Variants in BCL9L observed in about 807,000 individuals in gnomAD.
BCL9L encodes B-cell CLL/lymphoma 9-like protein.
A neutral mutation model predicts 99.4 loss-of-function variants in BCL9L; 19 were observed. The observed-to-expected ratio is 0.19, with a 90% CI of 0.13 to 0.28. The LOEUF is 0.28. BCL9L is among the 10% of genes least tolerant of loss of function. The pLI is 1.00. For synonymous variants in BCL9L, 900 were observed against 854.8 expected (o/e 1.05, Z -0.92); for missense variants, 2,023 against 2,101.6 (o/e 0.96, Z 0.73).
chr11:118,904,761 C>T (rs373336569), intron 5 of BCL9L, among the ~76,000 whole-genome samples: 21 of 152,328 alleles, frequency 1.4e-4, no homozygotes, highest in African/African-American at 4.6e-4. Context: ...TCCCATGGGC[C>T]CAGTGTCAGG....
rs552393756 is a variant in BCL9L, at chr11:118,900,208, C to T, written c.3125-10G>A. Reference sequence around the variant, plus strand: ...CTAGGCGGGAGGGTACCTACAGAAACGGGGAGACAAAGAGAGCAGGGGTGA... The same window carrying T: ...CTAGGCGGGAGGGTACCTACAGAAATGGGGAGACAAAGAGAGCAGGGGTGA... On this transcript the variant is annotated splice_polypyrimidine_tract_variant and intron_variant, in intron 8 of 9. Coordinates refer to ENST00000683865, the MANE Select transcript of BCL9L (RefSeq NM_001378213.1). The surrounding 1 kb of genome is among the most constrained non-coding windows in gnomAD (Gnocchi z 5.3). 60 of 1,580,570 alleles carry T rather than the reference C, an allele frequency of 3.8e-5. No homozygotes were observed. The South Asian group carries it at 5.2e-4, about 14-fold the overall frequency.
Position 118,922,119 on chromosome 11 carries a change from C to T in BCL9L, c.-131+3119G>A, listed in dbSNP as rs552004314. Among the ~76,000 whole-genome samples the T allele has an allele frequency of 6.6e-6, 1 of 152,176 alleles. No homozygotes were observed. Among genetic ancestry groups the T allele is most frequent in the Non-Finnish European group, 1.5e-5 (1 of 67,962 alleles). Reference sequence around the variant, plus strand: ...AATGCCCTTACTGCCCCTCCCCCAGCCTCCAGGGAAAGTCAGGCTGAGTTC... The same window carrying T: ...AATGCCCTTACTGCCCCTCCCCCAGTCTCCAGGGAAAGTCAGGCTGAGTTC... On this transcript the variant is annotated intron_variant, in intron 1 of 9. Coordinates refer to ENST00000683865, the MANE Select transcript of BCL9L (RefSeq NM_001378213.1). This position sits in a 1 kb window ranked among gnomAD's most constrained non-coding sequence, Gnocchi z 6.2.
In BCL9L at chr11:118,903,156, A is replaced by G; in HGVS notation, c.749+80T>C. 7.1e-7 allele frequency: 1 copy of G among 1,411,320 alleles called. No individual in the cohort carries two copies. Among genetic ancestry groups the G allele is most frequent in the Non-Finnish European group, 9.5e-7 (1 of 1,049,198 alleles). The allele number at this position is 1,411,320 out of a possible 1,614,324, so 87.4% of individuals were successfully genotyped here. A position where few individuals can be genotyped will look rare whatever the true frequency, so the allele number is the denominator to read the frequency against. On this transcript the variant is annotated intron_variant, in intron 6 of 9. Coordinates refer to ENST00000683865, the MANE Select transcript of BCL9L (RefSeq NM_001378213.1). This position sits in a 1 kb window ranked among gnomAD's most constrained non-coding sequence, Gnocchi z 5.6. Reference sequence around the variant, plus strand: ...CTCACCCACCCCACCCTGCCCCTGCACGGGGCTCCCTCGGAACCCCAGGCT... The same window carrying G: ...CTCACCCACCCCACCCTGCCCCTGCGCGGGGCTCCCTCGGAACCCCAGGCT...
intron 5 of BCL9L, among the ~76,000 whole-genome samples, chr11:118,907,100 A>C (rs1940553651): frequency 6.6e-6 from 1 of 152,172 alleles, no homozygotes; most frequent in South Asian, 2.1e-4. Flanking sequence ...GTGGCAACTC[A>C]CACCCAGGCT....
Position 118,901,253 on chromosome 11 carries a change from G to A in BCL9L, c.2490C>T (p.Gly830=), listed in dbSNP as rs780336341. 1.3e-5 allele frequency: 21 copies of A among 1,613,836 alleles called. No individual in the cohort carries two copies. The highest frequency in any genetic ancestry group is 8.9e-5 in the East Asian group (4 of 44,866). ...VRAQNSSGVM[G]GPQKMLMPSQ... is the part of the protein sequence containing the mutation. ...AAGGCATCAGCATCTTCTGCGGGCC[G>A]CCCATCACGCCACTGCTGTTCTGGG... Residue 830 remains glycine, a synonymous_variant, in exon 8 of 10, where the codon GGC becomes GGT. Coordinates refer to ENST00000683865, the MANE Select transcript of BCL9L (RefSeq NM_001378213.1). This position sits in a 1 kb window ranked among gnomAD's most constrained non-coding sequence, Gnocchi z 6.6.
At chr11:118,909,702 C>G (rs1443736849) in intron 3 of BCL9L, among the ~76,000 whole-genome samples, 1 of 152,174 alleles carries the variant, frequency 6.6e-6, no homozygotes, top group Non-Finnish European at 1.5e-5. Context: ...CCTCTGCCCC[C>G]CACCCAGGCC....
At position 118,901,037 on chromosome 11, in the gene BCL9L, C is replaced by T. The variant is rs1430627046; in HGVS notation, c.2706G>A (p.Val902=). Residue 902 remains valine, a synonymous_variant, in exon 8 of 10, where the codon GTG becomes GTA. Transcript: ENST00000683865. This position sits in a 1 kb window ranked among gnomAD's most constrained non-coding sequence, Gnocchi z 6.6. ...LPPASNPPGT[V]HSAPNRGLGR... is the part of the protein sequence containing the mutation. Reference sequence around the variant, plus strand: ...CTAGCCCCCGGTTTGGGGCTGAATGCACGGTCCCAGGAGGATTGGACGCAG... The same window carrying T: ...CTAGCCCCCGGTTTGGGGCTGAATGTACGGTCCCAGGAGGATTGGACGCAG... 10 of 1,577,040 alleles carry T rather than the reference C, an allele frequency of 6.3e-6. No individual in the cohort carries two copies. The South Asian group carries it at 1.1e-4, about 17-fold the overall frequency.
intron 2 of BCL9L, chr11:118,910,500 C>G (rs1940736273): frequency 6.5e-6 from 1 of 153,082 alleles, no homozygotes; most frequent in Non-Finnish European, 1.5e-5. Context: ...GGGCGGGCAG[C>G]GAGAGGCCTG....
intron 2 of BCL9L, among the ~76,000 whole-genome samples, chr11:118,915,955 C>A (rs1940950854): frequency 6.6e-6 from 1 of 152,214 alleles, no homozygotes. Flanking sequence ...CCCAGCAGGA[C>A]CCACTGATCG....
chr11:118,916,238 G>C (rs1248627363), intron 2 of BCL9L, among the ~76,000 whole-genome samples: 1 of 152,162 alleles, frequency 6.6e-6, no homozygotes, highest in Non-Finnish European at 1.5e-5. Context: ...CACCCCTCTT[G>C]GTACCAAGCC....
chr11:118,898,304 A>ACCCCCCCCCCC lies in BCL9L; in HGVS notation c.*110_*111insGGGGGGGGGGG. The ACCCCCCCCCCC allele has an allele frequency of 5.2e-6, 1 of 193,448 alleles. No individual in the cohort carries two copies. The highest frequency in any genetic ancestry group is 1.7e-4 in the East Asian group (1 of 5,918). 12.0% of individuals were successfully genotyped at this position (193,448 alleles called of 1,614,324 possible). On this transcript the variant is annotated 3_prime_UTR_variant, in exon 10 of 10. Coordinates refer to ENST00000683865, the MANE Select transcript of BCL9L (RefSeq NM_001378213.1). ...CCACTCCCTACACAAGCCCCCTCCC[A>ACCCCCCCCCCC]CCCCCTCCACCCCACCCCGCGACCC... is the stretch of plus-strand genomic sequence containing the variant.
At position 118,903,200 on chromosome 11, in the gene BCL9L, A is replaced by G; in HGVS notation, c.749+36T>C. 1 of 1,553,126 alleles carries G rather than the reference A, an allele frequency of 6.4e-7. No homozygotes were observed. The highest frequency in any genetic ancestry group is 1.2e-5 in the South Asian group (1 of 84,310). ...CCAGGCTGAGAGGTGCTGGGCAGAG[A>G]GAGAGAGAGACTTGGCCTGCCCACC... On this transcript the variant is annotated intron_variant, in intron 6 of 9. Coordinates refer to ENST00000683865, the MANE Select transcript of BCL9L (RefSeq NM_001378213.1). The surrounding 1 kb of genome is among the most constrained non-coding windows in gnomAD (Gnocchi z 5.6).
rs978985682 is a variant in BCL9L, at chr11:118,902,270, G to A, written c.1473C>T (p.His491=). The A allele has an allele frequency of 4.4e-6, 7 of 1,596,148 alleles. No individual in the cohort carries two copies. Among genetic ancestry groups the A allele is most frequent in the African/African-American group, 1.3e-5 (1 of 74,746 alleles). The change falls in exon 8 of 10, where the codon CAC becomes CAT. Residue 491 remains histidine (H), a synonymous_variant. Transcript: ENST00000683865. The surrounding 1 kb of genome is among the most constrained non-coding windows in gnomAD (Gnocchi z 7.8). ...GCTGCCCCATGTCCCCACCCGGGGGGTGCCCAGGCACTTCATGCTCCAGCG... is the reference window on the plus strand; with the variant it reads ...GCTGCCCCATGTCCCCACCCGGGGGATGCCCAGGCACTTCATGCTCCAGCG... ...GPPLEHEVPG[H]PPGGDMGQQM...
At position 118,897,362 on chromosome 11, in the gene BCL9L, C is replaced by T. The variant is rs1939956444; in HGVS notation, c.*1053G>A. ...TCTTCCTCCTTTCCTTCATCCCAAA[C>T]TGGGACAAAAGACTTCAAGTTCTGG... On this transcript the variant is annotated 3_prime_UTR_variant, in exon 10 of 10. Coordinates refer to ENST00000683865, the MANE Select transcript of BCL9L (RefSeq NM_001378213.1). 1.1e-5 allele frequency: 2 copies of T among 179,194 alleles called. No homozygotes were observed. Among genetic ancestry groups the T allele is most frequent in the African/African-American group, 4.8e-5 (2 of 41,606 alleles). The allele number at this position is 179,194 out of a possible 1,614,324, so 11.1% of individuals were successfully genotyped here.
intron 2 of BCL9L, among the ~76,000 whole-genome samples, chr11:118,917,949 G>A (rs951417676): frequency 6.6e-6 from 1 of 152,130 alleles, no homozygotes; most frequent in African/African-American, 2.4e-5. Context: ...CGGTGAGGGT[G>A]GAGTCCCAGC....
intron 1 of BCL9L, among the ~76,000 whole-genome samples, chr11:118,919,482 GA>G (rs1941082311): frequency 6.6e-6 from 1 of 152,072 alleles, no homozygotes; most frequent in African/African-American, 2.4e-5. Flanking sequence ...AATTCAGTAG[GA>G]GGGGGCTGGG....
chr11:118,909,671 A>G (rs1409146086), intron 3 of BCL9L, among the ~76,000 whole-genome samples: 3 of 152,198 alleles, frequency 2.0e-5, no homozygotes, highest in Non-Finnish European at 4.4e-5. Flanking sequence ...AGAAGCCGCA[A>G]GCATAGCTGG....
Position 118,901,279 on chromosome 11 carries a change from C to G in BCL9L, c.2464G>C (p.Ala822Pro), listed in dbSNP as rs770789853. Reference sequence around the variant, plus strand: ...CCCATCACGCCACTGCTGTTCTGGGCCCGAACCCGGGCCATCTCCTCAGGA... The same window carrying G: ...CCCATCACGCCACTGCTGTTCTGGGGCCGAACCCGGGCCATCTCCTCAGGA... ...LSPEEMARVR[A>P]QNSSGVMGGP... The change falls in exon 8 of 10, where the codon GCC becomes CCC. Residue 822 changes from alanine (A) to proline (P), a missense_variant. Transcript: ENST00000683865. This position sits in a 1 kb window ranked among gnomAD's most constrained non-coding sequence, Gnocchi z 6.6. 1.9e-6 allele frequency: 3 copies of G among 1,613,902 alleles called. No homozygotes were observed. Among genetic ancestry groups the G allele is most frequent in the Non-Finnish European group, 1.7e-6 (2 of 1,179,992 alleles).
intron 2 of BCL9L, among the ~76,000 whole-genome samples, chr11:118,916,727 G>C (rs1408326455): frequency 6.6e-6 from 1 of 152,180 alleles, no homozygotes; most frequent in Non-Finnish European, 1.5e-5. Flanking sequence ...CATAGGTCTG[G>C]GCACTGCCCC....
Sources: gnomAD v4.1 joint callset for allele counts (sites outside exome capture counted in the v4.1 genomes callset) on GRCh38, gnomAD v4.1.1 for gene constraint, Gnocchi (gnomAD v3.1) non-coding constraint, MANE v1.5 for transcripts, NCBI Gene and HGNC (gene_info 2026-07-23, HGNC 2026-07-21) for gene names.